Variants in CHEK2 observed in about 807,000 individuals in gnomAD.
CHEK2 encodes checkpoint kinase 2, also known as serine/threonine-protein kinase Chk2.
In CHEK2, 71 loss-of-function variants were observed where a neutral mutation model predicts 69.1. The observed-to-expected ratio is 1.03, with a 90% CI of 0.85 to 1.25. The LOEUF (loss-of-function observed/expected upper bound fraction) is 1.25. Among genes scored for constraint, CHEK2 ranks in the 50% most tolerant of loss-of-function variants. CHEK2 has a pLI of 0.00. For missense variants in CHEK2, 664 were observed against 649.6 expected, an observed-to-expected ratio of 1.02 and a Z score of -0.24; for synonymous variants, 189 against 226.9, an observed-to-expected ratio of 0.83 and a Z score of 1.50.
At chr22:28,730,951 C>T (rs1001528841) in intron 2 of CHEK2, among the ~76,000 whole-genome samples, 1 of 152,112 alleles carries the variant, frequency 6.6e-6, no homozygotes, top group Non-Finnish European at 1.5e-5. Flanking sequence ...TGCCTGTAAT[C>T]CTAACACTTT....
chr22:28,689,273 T>C, intron 13 of CHEK2, 58 bp from the exon 14 acceptor site: 2 of 1,134,162 alleles, frequency 1.8e-6, no homozygotes, highest in South Asian at 1.2e-5. Context: ...ACTCCTAGAA[T>C]GACAGGGCTA....
At chr22:28,704,152 ACACACACAC>A (rs1294269022) in intron 7 of CHEK2, among the ~76,000 whole-genome samples, 3 of 151,674 alleles carry the variant, frequency 2.0e-5, no homozygotes, top group Non-Finnish European at 4.4e-5. Context: ...ACACACACAC[ACACACACAC>A]ACCTATGGCT....
At chr22:28,729,238 G>GA (rs1201854335) in intron 2 of CHEK2, 1 of 253,704 alleles carries the variant, frequency 3.9e-6, no homozygotes, top group East Asian at 1.6e-4. Context: ...GATTACAAAT[G>GA]ACCAAACAAG....
intron 2 of CHEK2, chr22:28,727,869 G>C (rs988700515): frequency 2.0e-5 from 3 of 152,200 alleles, no homozygotes; most frequent in African/African-American, 7.2e-5. Context: ...GTGCTGGCAA[G>C]AGGTATGAAA....
intron 13 of CHEK2, among the ~76,000 whole-genome samples, chr22:28,692,498 G>A (rs2052405006): frequency 7.5e-6 from 1 of 133,522 alleles, no homozygotes; most frequent in African/African-American, 2.9e-5. Context: ...TTTGTTTTAA[G>A]TTTTTGTTGT....
chr22:28,738,366 G>A (rs1316467133), intron 1 of CHEK2, among the ~76,000 whole-genome samples: 1 of 152,170 alleles, frequency 6.6e-6, no homozygotes, highest in Non-Finnish European at 1.5e-5. Flanking sequence ...CAGGACAACT[G>A]GAGAAAATGT....
At chr22:28,720,768 A>T (rs1055040064) in intron 4 of CHEK2, among the ~76,000 whole-genome samples, 1 of 152,212 alleles carries the variant, frequency 6.6e-6, no homozygotes, top group Non-Finnish European at 1.5e-5. Flanking sequence ...GCTTGTAGCT[A>T]TTCATAACGC....
intron 2 of CHEK2, among the ~76,000 whole-genome samples, chr22:28,731,800 T>G (rs1333832849): frequency 6.6e-6 from 1 of 152,100 alleles, no homozygotes; most frequent in Non-Finnish European, 1.5e-5. Context: ...AGAGCTGGGA[T>G]TACAGTTGAG....
chr22:28,700,950 C>T (rs1221627529), intron 8 of CHEK2, among the ~76,000 whole-genome samples: 1 of 152,038 alleles, frequency 6.6e-6, no homozygotes, highest in Non-Finnish European at 1.5e-5. Flanking sequence ...CCATCATGCC[C>T]GGCTAATTTT....
At chr22:28,725,779 G>T (rs1428132436) in intron 2 of CHEK2, among the ~76,000 whole-genome samples, 1 of 152,026 alleles carries the variant, frequency 6.6e-6, no homozygotes, top group Non-Finnish European at 1.5e-5. Context: ...TGTGGTGGTG[G>T]GTCCCTGTGG....
Position 28,699,936 on chromosome 22 carries a change from T to A in CHEK2, c.910A>T (p.Met304Leu), listed in dbSNP as rs769436449. ...AEDYYIVLEL[M>L]EGGELFDKVV... ...TTGTCAAACAGCTCTCCCCCTTCCATCCTGAAACACAAAGGCAAGGCAAGG... is the reference window on the plus strand; with the variant it reads ...TTGTCAAACAGCTCTCCCCCTTCCAACCTGAAACACAAAGGCAAGGCAAGG... The change falls in exon 9 of 15, where the codon ATG becomes TTG. Residue 304 changes from methionine to leucine, a missense_variant and splice_region_variant. Transcript: ENST00000404276. The A allele has an allele frequency of 1.2e-6, 2 of 1,612,130 alleles. No individual in the cohort carries two copies. Among genetic ancestry groups the A allele is most frequent in the South Asian group, 1.1e-5 (1 of 90,904 alleles).
In CHEK2 at chr22:28,733,159, T is replaced by C. The variant is rs2054268318; in HGVS notation, c.319+1244A>G. 2.6e-5 allele frequency among the ~76,000 whole-genome samples: 4 copies of C among 152,110 alleles called. No individual in the cohort carries two copies. In the South Asian group the frequency reaches 8.3e-4, roughly 31 times the overall value. On this transcript the variant is annotated intron_variant, in intron 2 of 14. Transcript: ENST00000404276. ...AAAACTTACTATTGGAACCAGGAGG[T>C]GTCAGAAAGGGTCAACATGTTTAAA... is the stretch of plus-strand genomic sequence containing the variant.
At chr22:28,717,144 C>T (rs2053614355) in intron 5 of CHEK2, among the ~76,000 whole-genome samples, 1 of 151,586 alleles carries the variant, frequency 6.6e-6, no homozygotes, top group South Asian at 2.1e-4. Context: ...TTTGGGGGAC[C>T]GAGGCAGGCG....
At chr22:28,726,693 T>C (rs1232714338) in intron 2 of CHEK2, among the ~76,000 whole-genome samples, 5 of 149,042 alleles carry the variant, frequency 3.4e-5, no homozygotes, top group African/African-American at 5.0e-5. Flanking sequence ...GAGTAATTTT[T>C]AATGACTTGG....
chr22:28,720,415 A>G lies in CHEK2; in HGVS notation c.593-930T>C, dbSNP rs563535791. Among the ~76,000 whole-genome samples, 3 of 152,182 alleles carry G rather than the reference A, an allele frequency of 2.0e-5. No individual in the cohort carries two copies. In the East Asian group the frequency reaches 5.8e-4, roughly 29 times the overall value. On this transcript the variant is annotated intron_variant, in intron 4 of 14. Transcript: ENST00000404276. ...CAAAAAAAAAAAAAGTAAAACAACT[A>G]CTTTTTAAATTCTATAACCCAGGAC...
intron 5 of CHEK2, among the ~76,000 whole-genome samples, chr22:28,714,036 G>A (rs2053503161): frequency 6.6e-6 from 1 of 152,192 alleles, no homozygotes; most frequent in Non-Finnish European, 1.5e-5. Flanking sequence ...GAATTTCTGA[G>A]TCACGTGATA....
At chr22:28,731,611 T>C (rs1228243270) in intron 2 of CHEK2, among the ~76,000 whole-genome samples, 6 of 151,980 alleles carry the variant, frequency 3.9e-5, no homozygotes, top group African/African-American at 1.5e-4. Flanking sequence ...ATAATAATAA[T>C]AATAATGATA....
Position 28,695,708 on chromosome 22 carries a change from A to G in CHEK2, c.1259+2T>C, listed in dbSNP as rs1555913631. ...CTGTGCAGCAATGAAAATATTTCTT[A>G]CCAGATAAAAAGAATAACTCCTAAA... On this transcript the variant is annotated splice_donor_variant, in intron 11 of 14. Coordinates refer to ENST00000404276, the MANE Select transcript of CHEK2 (RefSeq NM_007194.4). LOFTEE classifies it high-confidence loss of function. 2.5e-6 allele frequency: 4 copies of G among 1,612,462 alleles called. No homozygotes were observed. Among genetic ancestry groups the G allele is most frequent in the Non-Finnish European group, 3.4e-6 (4 of 1,178,508 alleles).
chr22:28,698,511 T>A (rs2145830563), intron 9 of CHEK2, among the ~76,000 whole-genome samples: 1 of 152,268 alleles, frequency 6.6e-6, no homozygotes, highest in East Asian at 1.9e-4. Context: ...TACTGGGAAA[T>A]GGATCTGGTG....
Sources: allele counts gnomAD v4.1 joint callset (sites outside exome capture counted in the v4.1 genomes callset), GRCh38; gene constraint gnomAD v4.1.1; transcripts MANE v1.5; gene names NCBI Gene and HGNC (gene_info 2026-07-23, HGNC 2026-07-21).